Variants in HS6ST3 observed in about 807,000 individuals in gnomAD.
The protein encoded by HS6ST3 is heparan sulfate 6-O-sulfotransferase 3.
Under a neutral mutation model 36.7 loss-of-function variants are expected in HS6ST3, and 12 were observed. The observed-to-expected ratio is 0.33, with a 90% CI of 0.21 to 0.53. The LOEUF is 0.53. HS6ST3 is among the 20% of genes least tolerant of loss of function. The pLI is 0.95. For synonymous variants in HS6ST3, 240 were observed against 257.5 expected, an observed-to-expected ratio of 0.93 and a Z score of 0.65; for missense variants, 584 against 640.9, an observed-to-expected ratio of 0.91 and a Z score of 0.96.
At chr13:96,254,156 CT>C (rs1172312692) in intron 1 of HS6ST3, among the ~76,000 whole-genome samples, 1 of 151,782 alleles carries the variant, frequency 6.6e-6, no homozygotes, top group African/African-American at 2.4e-5. Flanking sequence ...TGGCTCATGC[CT>C]GTAATCCCAG....
intron 1 of HS6ST3, among the ~76,000 whole-genome samples, chr13:96,757,472 T>C (rs2138497233): frequency 6.6e-6 from 1 of 152,346 alleles, no homozygotes; most frequent in South Asian, 2.1e-4. Context: ...GAGGTTTTTT[T>C]TAAATATACT....
intron 1 of HS6ST3, among the ~76,000 whole-genome samples, chr13:96,355,693 T>C (rs2139433239): frequency 6.6e-6 from 1 of 152,298 alleles, no homozygotes; most frequent in African/African-American, 2.4e-5. Flanking sequence ...TTGCCTCAAT[T>C]TTGATGGCTG....
At chr13:96,218,338 C>A (rs973763576) in intron 1 of HS6ST3, among the ~76,000 whole-genome samples, 1 of 152,194 alleles carries the variant, frequency 6.6e-6, no homozygotes, top group African/African-American at 2.4e-5. Flanking sequence ...CCACCAAACC[C>A]AGTGGGAAGC....
intron 1 of HS6ST3, among the ~76,000 whole-genome samples, chr13:96,394,410 C>T (rs763037054): frequency 2.6e-5 from 4 of 152,030 alleles, no homozygotes; most frequent in Admixed American, 6.5e-5. Context: ...TAGACTTCAG[C>T]AAGGCATGAA....
intron 1 of HS6ST3, among the ~76,000 whole-genome samples, chr13:96,236,564 C>G (rs1260655979): frequency 6.6e-6 from 1 of 152,126 alleles, no homozygotes; most frequent in African/African-American, 2.4e-5. Flanking sequence ...AACTTTTTTA[C>G]CTTTCTTCTT....
chr13:96,445,798 G>A (rs967393404), intron 1 of HS6ST3, among the ~76,000 whole-genome samples: 4 of 152,018 alleles, frequency 2.6e-5, no homozygotes, highest in African/African-American at 9.7e-5. Context: ...GACCCAGGAG[G>A]CGGAGGTTGC....
intron 1 of HS6ST3, among the ~76,000 whole-genome samples, chr13:96,623,711 C>A (rs2056502887): frequency 6.6e-6 from 1 of 152,060 alleles, no homozygotes; most frequent in African/African-American, 2.4e-5. Flanking sequence ...CAGTCGGAGC[C>A]CACCTCACTT....
At chr13:96,417,760 A>ACACACACACG (rs74276727) in intron 1 of HS6ST3, among the ~76,000 whole-genome samples, 2 of 151,304 alleles carry the variant, frequency 1.3e-5, no homozygotes, top group Admixed American at 1.3e-4. Flanking sequence ...ACACACACAC[A>ACACACACACG]TAATAGTCTA....
intron 1 of HS6ST3, among the ~76,000 whole-genome samples, chr13:96,681,621 T>G (rs533417614): frequency 3.3e-5 from 5 of 152,192 alleles, no homozygotes; most frequent in Admixed American, 6.5e-5. Context: ...GATTATTTCT[T>G]CAGAGGAAAT....
intron 1 of HS6ST3, among the ~76,000 whole-genome samples, chr13:96,248,620 A>G (rs183438793): frequency 2.0e-5 from 3 of 152,328 alleles, no homozygotes; most frequent in African/African-American, 7.2e-5. Context: ...TAATTTATAT[A>G]AATCAGAAAT....
intron 1 of HS6ST3, among the ~76,000 whole-genome samples, chr13:96,416,041 G>A (rs1219837403): frequency 6.6e-6 from 1 of 152,162 alleles, no homozygotes; most frequent in African/African-American, 2.4e-5. Context: ...AACAGATAAA[G>A]AAAAGCCACA....
Position 96,832,941 on chromosome 13 carries a change from G to A in HS6ST3, c.1159G>A (p.Val387Met), listed in dbSNP as rs750137502. The A allele has an allele frequency of 1.8e-5, 29 of 1,614,040 alleles. No individual in the cohort carries two copies. The highest frequency in any genetic ancestry group is 2.7e-5 in the African/African-American group (2 of 74,920). Reference protein sequence around the residue: ...TQFNITRASNVEINEGARQRI... With the variant: ...TQFNITRASNMEINEGARQRI... ...GTTCAACATCACGCGGGCTTCTAAC[G>A]TGGAGATCAACGAGGGTGCCCGCCA... Residue 387 changes from valine to methionine, a missense_variant, in exon 2 of 2, where the codon GTG becomes ATG. This residue lies in a region of HS6ST3 where 360 missense variants were observed against 411.3 expected (regional missense o/e 0.88). Transcript: ENST00000376705.
At chr13:96,540,212 C>T (rs1362679902) in intron 1 of HS6ST3, among the ~76,000 whole-genome samples, 2 of 152,230 alleles carry the variant, frequency 1.3e-5, no homozygotes, top group African/African-American at 4.8e-5. Context: ...AACTCTTTGG[C>T]AAGTTCAGCC....
chr13:96,392,350 G>A (rs1364753645), intron 1 of HS6ST3, among the ~76,000 whole-genome samples: 1 of 152,188 alleles, frequency 6.6e-6, no homozygotes, highest in African/African-American at 2.4e-5. Flanking sequence ...TATGGTCAGA[G>A]ATGGAAATGC....
At chr13:96,655,581 C>T (rs995901273) in intron 1 of HS6ST3, among the ~76,000 whole-genome samples, 21 of 151,820 alleles carry the variant, frequency 1.4e-4, no homozygotes, top group Admixed American at 9.2e-4. Context: ...TTTTTGAAGC[C>T]TCTGATATAT....
intron 1 of HS6ST3, among the ~76,000 whole-genome samples, chr13:96,691,041 A>ATATT: frequency 6.6e-6 from 1 of 152,266 alleles, no homozygotes; most frequent in East Asian, 1.9e-4. Context: ...TGTCTGCACA[A>ATATT]TGGCAAATAT....
chr13:96,714,870 A>AT (rs1216175090), intron 1 of HS6ST3, among the ~76,000 whole-genome samples: 2 of 150,894 alleles, frequency 1.3e-5, no homozygotes, highest in Non-Finnish European at 3.0e-5. Context: ...AGTTAATTTA[A>AT]TTTTTTTTTC....
intron 1 of HS6ST3, among the ~76,000 whole-genome samples, chr13:96,733,998 A>G (rs1326080733): frequency 6.6e-6 from 1 of 152,206 alleles, no homozygotes; most frequent in Non-Finnish European, 1.5e-5. Flanking sequence ...CACTGCCTAG[A>G]GCAGCCAGAT....
chr13:96,343,180 G>C (rs999105670), intron 1 of HS6ST3, among the ~76,000 whole-genome samples: 4 of 152,324 alleles, frequency 2.6e-5, no homozygotes, highest in Admixed American at 1.3e-4. Context: ...CCTCCTGTAT[G>C]AGTTTACTGC....
Sources: gnomAD v4.1 joint callset for allele counts (sites outside exome capture counted in the v4.1 genomes callset) on GRCh38, gnomAD v4.1.1 for gene constraint, gnomAD v4.1.1 regional missense constraint, MANE v1.5 for transcripts, NCBI Gene and HGNC (gene_info 2026-07-23, HGNC 2026-07-21) for gene names.